Variants in PTK2 observed in about 807,000 individuals in gnomAD.
PTK2 encodes the protein focal adhesion kinase 1.
PTK2 carries 45 observed loss-of-function variants against 150.1 expected under a neutral mutation model. That is an observed-to-expected ratio of 0.30 (90% CI 0.24 to 0.38). PTK2 has a LOEUF of 0.38. Ranked by LOEUF, PTK2 falls within the 10% of genes least tolerant of loss-of-function variation. PTK2 has a pLI of 1.00. For missense variants in PTK2, 919 were observed against 1,307.3 expected, an observed-to-expected ratio of 0.70 and a Z score of 4.58; for synonymous variants, 432 against 449.2, an observed-to-expected ratio of 0.96 and a Z score of 0.48.
At chr8:140,973,316 G>C (rs1166965931) in intron 1 of PTK2, among the ~76,000 whole-genome samples, 2 of 152,140 alleles carry the variant, frequency 1.3e-5, no homozygotes, top group Non-Finnish European at 2.9e-5. Context: ...CACCAGGCTT[G>C]ACCTTTGGAT....
chr8:141,000,276 A>ACTTCAGTGAGGG (rs1434132716), intron 1 of PTK2, among the ~76,000 whole-genome samples: 1 of 152,152 alleles, frequency 6.6e-6, no homozygotes, highest in Admixed American at 6.5e-5. Context: ...TCCAGTGAGG[A>ACTTCAGTGAGGG]CTTCAGTGAG....
intron 5 of PTK2, among the ~76,000 whole-genome samples, chr8:140,857,810 C>G (rs2100133648): frequency 1.3e-5 from 2 of 152,104 alleles, no homozygotes; most frequent in South Asian, 2.1e-4. Context: ...TCCAAGCAAA[C>G]AAATACAAAC....
chr8:140,738,088 G>A (rs2100053619), intron 21 of PTK2, among the ~76,000 whole-genome samples: 1 of 152,170 alleles, frequency 6.6e-6, no homozygotes, highest in South Asian at 2.1e-4. Flanking sequence ...AATCTTAACA[G>A]GGCATCTCCT....
chr8:140,801,827 C>T (rs902338608), intron 11 of PTK2, among the ~76,000 whole-genome samples: 3 of 151,864 alleles, frequency 2.0e-5, no homozygotes, highest in Non-Finnish European at 2.9e-5. Flanking sequence ...AATGATGGTC[C>T]GCATATACAA....
At chr8:140,905,235 G>C (rs993582071) in intron 2 of PTK2, among the ~76,000 whole-genome samples, 4 of 152,130 alleles carry the variant, frequency 2.6e-5, no homozygotes, top group African/African-American at 7.2e-5. Flanking sequence ...CTGGCAAACT[G>C]GATAAAGAGT....
At chr8:140,944,610 G>T (rs952951560) in intron 1 of PTK2, among the ~76,000 whole-genome samples, 2 of 152,182 alleles carry the variant, frequency 1.3e-5, no homozygotes, top group Non-Finnish European at 2.9e-5. Flanking sequence ...CAGCGATTAC[G>T]ATTTATGACT....
At chr8:140,694,126 C>A (rs573199057) in intron 26 of PTK2, among the ~76,000 whole-genome samples, 1 of 151,004 alleles carries the variant, frequency 6.6e-6, no homozygotes, top group Non-Finnish European at 1.5e-5. Flanking sequence ...CTGCAAGCTC[C>A]GCCTCCTGGG....
chr8:140,668,555 C>T (rs745772306), intron 29 of PTK2, 131 bp from the exon 34 acceptor site: 14 of 1,031,890 alleles, frequency 1.4e-5, no homozygotes, highest in Admixed American at 1.1e-4. Flanking sequence ...CTTGTGTGTG[C>T]GGGATATAGT....
intron 22 of PTK2, among the ~76,000 whole-genome samples, chr8:140,724,053 C>A (rs1463837431): frequency 1.3e-5 from 2 of 152,146 alleles, no homozygotes; most frequent in Non-Finnish European, 2.9e-5. Context: ...ACAGCTCCAA[C>A]AAAGGCAATT....
intron 7 of PTK2, among the ~76,000 whole-genome samples, chr8:140,840,577 T>C (rs2100121747): frequency 6.6e-6 from 1 of 152,032 alleles, no homozygotes; most frequent in East Asian, 1.9e-4. Context: ...CTGGAGTTGG[T>C]TAATATAGAA....
At chr8:140,854,644 A>G (rs1238107400) in intron 5 of PTK2, among the ~76,000 whole-genome samples, 1 of 152,216 alleles carries the variant, frequency 6.6e-6, no homozygotes, top group Non-Finnish European at 1.5e-5. Flanking sequence ...GCTAATTAAT[A>G]TATTTCAGAA....
intron 4 of PTK2, among the ~76,000 whole-genome samples, chr8:140,878,113 GT>G (rs2100146776): frequency 6.6e-6 from 1 of 152,280 alleles, no homozygotes; most frequent in Non-Finnish European, 1.5e-5. Flanking sequence ...CATATCCTTT[GT>G]TTTGGAATGC....
intron 15 of PTK2, among the ~76,000 whole-genome samples, chr8:140,763,508 GAAAT>G (rs1425263424): frequency 6.6e-6 from 1 of 151,492 alleles, no homozygotes. Context: ...ATGAAATTAA[GAAAT>G]AAATTTCTTT....
chr8:140,837,051 CA>C (rs1307417040), intron 7 of PTK2, among the ~76,000 whole-genome samples: 2 of 152,174 alleles, frequency 1.3e-5, no homozygotes, highest in Non-Finnish European at 2.9e-5. Flanking sequence ...TCAATATCAG[CA>C]ATGTACTTTT....
chr8:140,838,999 C>T (rs559974416), intron 7 of PTK2, among the ~76,000 whole-genome samples: 13 of 146,936 alleles, frequency 8.8e-5, no homozygotes, highest in South Asian at 4.3e-4. Flanking sequence ...AGTGAGACTC[C>T]GTCTCAAAAA....
chr8:140,819,670 C>G (rs780969094), intron 8 of PTK2, among the ~76,000 whole-genome samples: 94 of 152,248 alleles, frequency 6.2e-4, no homozygotes, highest in Non-Finnish European at 1.1e-3. Context: ...AAAAAGATGA[C>G]AAAACAGTCA....
At chr8:140,976,121 G>A (rs2100189182) in intron 1 of PTK2, among the ~76,000 whole-genome samples, 1 of 152,166 alleles carries the variant, frequency 6.6e-6, no homozygotes, top group Admixed American at 6.5e-5. Context: ...GACTTGAGAA[G>A]CACAGAAACT....
At chr8:140,737,785 C>T (rs1159146183) in intron 21 of PTK2, among the ~76,000 whole-genome samples, 3 of 152,144 alleles carry the variant, frequency 2.0e-5, no homozygotes, top group African/African-American at 7.2e-5. Context: ...AAAAAATAGG[C>T]ATCTTAGAAG....
chr8:140,879,963 C>A (rs1406709559), intron 3 of PTK2, among the ~76,000 whole-genome samples: 1 of 152,124 alleles, frequency 6.6e-6, no homozygotes, highest in Non-Finnish European at 1.5e-5. Flanking sequence ...ACTGTCATCA[C>A]CCCCCAACCT....
Sources: allele counts gnomAD v4.1 joint callset (sites outside exome capture counted in the v4.1 genomes callset), GRCh38; gene constraint gnomAD v4.1.1; transcripts MANE v1.5; gene names NCBI Gene and HGNC (gene_info 2026-07-23, HGNC 2026-07-21).